Variants in VPS52 observed in about 807,000 individuals in gnomAD.
VPS52 encodes VPS52 subunit of GARP complex, also known as vacuolar protein sorting-associated protein 52 homolog.
Under a neutral mutation model 98.7 loss-of-function variants are expected in VPS52, and 56 were observed. The observed-to-expected ratio is 0.57, with a 90% CI of 0.46 to 0.71. The LOEUF is 0.71. Among genes scored for constraint, VPS52 ranks in the 30% least tolerant of loss-of-function variants. The probability of loss-of-function intolerance (pLI) is 0.00; values close to 1 mark genes in which losing one functional copy is unlikely to be tolerated. For missense variants in VPS52, 742 were observed against 925.9 expected (o/e 0.80, Z 2.58); for synonymous variants, 348 against 346.4 (o/e 1.00, Z -0.05).
In VPS52 at chr6:33,267,897, G is replaced by A. The variant is rs770463824; in HGVS notation, c.901C>T (p.Arg301Cys). 2.0e-5 allele frequency: 33 copies of A among 1,612,948 alleles called. No individual in the cohort carries two copies. The highest frequency in any genetic ancestry group is 2.7e-5 in the African/African-American group (2 of 74,914). The change falls in exon 9 of 20, where the codon CGC becomes TGC. Residue 301 changes from arginine to cysteine, a missense_variant. Arg to Cys is a radical substitution (Grantham distance 180, BLOSUM62 -3). This residue lies in a region of VPS52 where 590 missense variants were observed against 793.3 expected (regional missense o/e 0.74). Transcript: ENST00000445902. The surrounding 1 kb of genome is among the most constrained non-coding windows in gnomAD (Gnocchi z 4.2). ...TTCATGAGCCGCCCCAGGTAAGAGC[G>A]GTAGTAAGACAGGTAAATCTTGCTC... ...TLSKIYLSYYRSYLGRLMKVQ... is the reference protein window; with the variant it reads ...TLSKIYLSYYCSYLGRLMKVQ...
chr6:33,264,889 A>C lies in VPS52; in HGVS notation c.1293T>G (p.Asp431Glu), dbSNP rs752192326. Residue 431 changes from aspartate to glutamate, a missense_variant, in exon 13 of 20, where the codon GAT (aspartate) becomes GAG (glutamate). Coordinates refer to ENST00000445902, the MANE Select transcript of VPS52 (RefSeq NM_022553.6). ...RTLSMTLKHL[D>E]SYLADCYDAI... ...CATCGTAGCAGTCAGCTAGATAAGA[A>C]TCCAGGTGTTTCTGTGTGATTGGGG... 1 of 1,612,772 alleles carries C rather than the reference A, an allele frequency of 6.2e-7. No individual in the cohort carries two copies. The highest frequency in any genetic ancestry group is 2.2e-5 in the East Asian group (1 of 44,890).
chr6:33,258,116 G>A (rs542791324), intron 17 of VPS52, among the ~76,000 whole-genome samples: 7 of 152,132 alleles, frequency 4.6e-5, no homozygotes, highest in South Asian at 4.2e-4. Context: ...GGCTGGACGC[G>A]GTGGCTCATG....
At chr6:33,270,627 A>C (rs213203) in intron 1 of VPS52, among the ~76,000 whole-genome samples, 90,490 of 151,922 alleles carry the variant, frequency 0.6, 27,678 homozygotes, top group East Asian at 0.72. Flanking sequence ...AAACCCGTCT[A>C]AAGAAAACAA....
At position 33,271,348 on chromosome 6, in the gene VPS52, T is replaced by C. The variant is rs1260048801; in HGVS notation, c.90+238A>G. 20 of 704,420 alleles carry C rather than the reference T, an allele frequency of 2.8e-5. No homozygotes were observed. The Admixed American group carries it at 3.8e-4, about 13-fold the overall frequency. 43.6% of individuals were successfully genotyped at this position (704,420 alleles called of 1,614,324 possible). On this transcript the variant is annotated intron_variant, in intron 1 of 19. Transcript: ENST00000445902. ...GTTCTTAACCTTTACACTATACTACTTCGTGACTCTACCCCAAAATGTGGA... is the reference window on the plus strand; with the variant it reads ...GTTCTTAACCTTTACACTATACTACCTCGTGACTCTACCCCAAAATGTGGA...
At chr6:33,271,433 G>T (rs532185286) in intron 1 of VPS52, 153 bp downstream of exon 1, 415 of 1,119,366 alleles carry the variant, frequency 3.7e-4, no homozygotes, top group Non-Finnish European at 5.0e-4. Context: ...CCCGCTCAGG[G>T]TCGGGTCTGA....
intron 12 of VPS52, among the ~76,000 whole-genome samples, chr6:33,265,209 T>C (rs1236245892): frequency 5.3e-5 from 8 of 152,166 alleles, no homozygotes; most frequent in African/African-American, 1.9e-4. Context: ...CCTGAGTAGC[T>C]GGAATTATAG....
chr6:33,259,635 G>A (rs1048782588), intron 17 of VPS52, among the ~76,000 whole-genome samples: 6 of 151,986 alleles, frequency 3.9e-5, no homozygotes, highest in African/African-American at 1.2e-4. Flanking sequence ...AATGCTCTTT[G>A]GAGCATTTCA....
chr6:33,263,476 A>T lies in VPS52; in HGVS notation c.1794+8T>A, dbSNP rs1175431871. The T allele has an allele frequency of 6.2e-7, 1 of 1,611,874 alleles. No homozygotes were observed. On this transcript the variant is annotated splice_region_variant and intron_variant, in intron 17 of 19. Transcript: ENST00000445902. ...AGGCTGTCTCTTCCCTTTTCCCCAC[A>T]CCCCTACCTGTGTCCGAGCATTGAG...
In VPS52 at chr6:33,264,448, G is replaced by A. The variant is rs1422963021; in HGVS notation, c.1450C>T (p.Leu484=). The change falls in exon 14 of 20, where the codon CTG becomes TTG. Residue 484 remains leucine (L), a synonymous_variant. Transcript: ENST00000445902. The part of the protein sequence containing the change: ...ALLWPRFELI[L]EMNVQSVRST... Reference sequence around the variant, plus strand: ...CGGACGCTCTGAACATTCATCTCCAGGATCAGTTCAAACCGTGGCCATAGC... The same window carrying A: ...CGGACGCTCTGAACATTCATCTCCAAGATCAGTTCAAACCGTGGCCATAGC... 3.1e-6 allele frequency: 5 copies of A among 1,614,038 alleles called. No individual in the cohort carries two copies. Among genetic ancestry groups the A allele is most frequent in the African/African-American group, 1.3e-5 (1 of 74,894 alleles).
intron 16 of VPS52, 41 bp downstream of exon 16, chr6:33,263,731 A>G: frequency 6.2e-7 from 1 of 1,612,886 alleles, no homozygotes; most frequent in South Asian, 1.1e-5. Flanking sequence ...GGGAAACCGA[A>G]TTTTCTGGGT....
Position 33,270,278 on chromosome 6 carries a change from A to T in VPS52, c.96T>A (p.Gly32=). Residue 32 remains glycine, a synonymous_variant, in exon 2 of 20, where the codon GGT becomes GGA. Transcript: ENST00000445902. The stretch of plus-strand genomic sequence containing the variant: ...GCAGTGGTTCCTGGAGCCCAGGACC[A>T]CCCGCCTGGAAAGGGATAAGTTAAT... ...DMEEEEGPLA[G]GPGLQEPLQL... 1 of 1,610,112 alleles carries T rather than the reference A, an allele frequency of 6.2e-7. No individual in the cohort carries two copies. The highest frequency in any genetic ancestry group is 8.5e-7 in the Non-Finnish European group (1 of 1,176,894).
In VPS52 at chr6:33,263,504, G is replaced by C; in HGVS notation, c.1774C>G (p.Leu592Val). 1 of 1,613,780 alleles carries C rather than the reference G, an allele frequency of 6.2e-7. No homozygotes were observed. Among genetic ancestry groups the C allele is most frequent in the Non-Finnish European group, 8.5e-7 (1 of 1,179,962 alleles). ...DSKEVESFQQ[L>V]LNARTQEFIE... ...CCTACCTGTGTCCGAGCATTGAGCAGCTGCTGGAAGCTCTCAACCTCTTTG... is the reference window on the plus strand; with the variant it reads ...CCTACCTGTGTCCGAGCATTGAGCACCTGCTGGAAGCTCTCAACCTCTTTG... The change falls in exon 17 of 20, where the codon CTG (leucine) becomes GTG (valine). Residue 592 changes from leucine to valine, a missense_variant. Transcript: ENST00000445902.
chr6:33,271,381 T>C (rs1271106406), intron 1 of VPS52: 2 of 755,934 alleles, frequency 2.6e-6, no homozygotes, highest in Admixed American at 4.0e-5. Flanking sequence ...GGAGTGAAGT[T>C]GAAATTTTGT....
intron 18 of VPS52, 86 bp downstream of exon 18, chr6:33,251,774 T>G: frequency 6.8e-7 from 1 of 1,464,572 alleles, no homozygotes; most frequent in Non-Finnish European, 9.6e-7. Flanking sequence ...CATACTCTAT[T>G]CCCCCACCAT....
At chr6:33,263,645 A>G in intron 16 of VPS52, 96 bp from the exon 17 acceptor site, 2 of 1,571,964 alleles carry the variant, frequency 1.3e-6, no homozygotes, top group Non-Finnish European at 8.7e-7. Flanking sequence ...TAAGCTGGAC[A>G]CTGTGCCAGA....
chr6:33,271,717 T>G lies in VPS52; in HGVS notation c.-42A>C. ...TCCGGCAACTGTCAGTCCCGGCGAG[T>G]CCGTTCCCCGGAGTGGAGCTACAAG... On this transcript the variant is annotated 5_prime_UTR_variant, in exon 1 of 20. Transcript: ENST00000445902. 6.4e-7 allele frequency: 1 copy of G among 1,573,848 alleles called. No homozygotes were observed. Among genetic ancestry groups the G allele is most frequent in the Non-Finnish European group, 8.6e-7 (1 of 1,158,390 alleles).
At position 33,250,798 on chromosome 6, in the gene VPS52, T is replaced by G. The variant is rs1195089129; in HGVS notation, c.*43A>C. The G allele has an allele frequency of 6.3e-7, 1 of 1,596,822 alleles. No individual in the cohort carries two copies. The highest frequency in any genetic ancestry group is 8.6e-7 in the Non-Finnish European group (1 of 1,169,098). On this transcript the variant is annotated 3_prime_UTR_variant, in exon 20 of 20. Transcript: ENST00000445902. ...AAGGGTATGGAATGGGGTGCAGAAG[T>G]CCATGGAGATGACCGGCAGATCTCA...
chr6:33,264,190 G>C, intron 14 of VPS52, 87 bp from the exon 15 acceptor site: 2 of 1,555,564 alleles, frequency 1.3e-6, no homozygotes, highest in East Asian at 4.5e-5. Flanking sequence ...CCACCTCCAT[G>C]TGATGTGACT....
intron 17 of VPS52, chr6:33,254,750 A>T (rs1762729379): frequency 6.6e-6 from 1 of 151,746 alleles, no homozygotes; most frequent in Non-Finnish European, 1.5e-5. Context: ...ACAGCTCACT[A>T]CAACCTCAAC....
Sources: allele counts gnomAD v4.1 joint callset (sites outside exome capture counted in the v4.1 genomes callset), GRCh38; gene constraint gnomAD v4.1.1; regional missense constraint gnomAD v4.1.1; non-coding constraint Gnocchi (gnomAD v3.1); transcripts MANE v1.5; gene names NCBI Gene and HGNC (gene_info 2026-07-23, HGNC 2026-07-21).